The following HIVEP1 variants were observed in gnomAD, a reference collection of about 807,000 sequenced individuals.
The protein encoded by HIVEP1 is zinc finger protein 40.
In HIVEP1, 36 loss-of-function variants were observed where a neutral mutation model predicts 180.0. The observed-to-expected ratio is 0.20, with a 90% CI of 0.15 to 0.26. The LOEUF (loss-of-function observed/expected upper bound fraction) is 0.26. HIVEP1 is among the 10% of genes least tolerant of loss of function. HIVEP1 has a pLI of 1.00. For synonymous variants in HIVEP1, 1,239 were observed against 1,239.0 expected, an observed-to-expected ratio of 1.00 and a Z score of 0.00; for missense variants, 3,143 against 3,268.7, an observed-to-expected ratio of 0.96 and a Z score of 0.94.
intron 2 of HIVEP1, among the ~76,000 whole-genome samples, chr6:12,078,719 C>CACACACACACACACACACACACAT (rs758199591): frequency 6.1e-5 from 9 of 146,348 alleles, no homozygotes; most frequent in South Asian, 2.2e-4. Context: ...CACACACACA[C>CACACACACACACACACACACACAT]ATATATATAT....
At chr6:12,073,329 G>C (rs1343753757) in intron 2 of HIVEP1, among the ~76,000 whole-genome samples, 1 of 152,144 alleles carries the variant, frequency 6.6e-6, no homozygotes, top group African/African-American at 2.4e-5. Flanking sequence ...GCTTTACTTT[G>C]GGTTCCTTGT....
At chr6:12,115,347 ATTCT>A (rs1775146605) in intron 3 of HIVEP1, among the ~76,000 whole-genome samples, 1 of 73,454 alleles carries the variant, frequency 1.4e-5, no homozygotes. Context: ...TTCCCCAACT[ATTCT>A]TTTTTTTTTT....
At chr6:12,162,993 CTG>C (rs1760502197) in intron 8 of HIVEP1, among the ~76,000 whole-genome samples, 1 of 152,146 alleles carries the variant, frequency 6.6e-6, no homozygotes, top group African/African-American at 2.4e-5. Flanking sequence ...GAGTTATTCT[CTG>C]TGTACAATAT....
chr6:12,121,993 G>A lies in HIVEP1; in HGVS notation c.2198G>A (p.Gly733Asp), dbSNP rs1757709582. ...PTGEKALLLP[G>D]QMRPPLATKT... Reference sequence around the variant, plus strand: ...GGGGAAAAGGCATTGCTTTTACCAGGTCAGATGCGCCCACCTTTGGCCACA... The same window carrying A: ...GGGGAAAAGGCATTGCTTTTACCAGATCAGATGCGCCCACCTTTGGCCACA... Residue 733 changes from glycine (G) to aspartate (D), a missense_variant, in exon 4 of 9, where the codon GGT becomes GAT. By Grantham distance (94) the Gly-to-Asp change is moderately conservative (BLOSUM62 -1). Around this residue, in one of 12 missense-constraint regions of HIVEP1, gnomAD observed 365 missense variants for 344.4 expected, o/e 1.06. Transcript: ENST00000379388. This position sits in a 1 kb window ranked among gnomAD's most constrained non-coding sequence, Gnocchi z 5.3. 6.2e-7 allele frequency: 1 copy of A among 1,614,138 alleles called. No individual in the cohort carries two copies. Among genetic ancestry groups the A allele is most frequent in the Non-Finnish European group, 8.5e-7 (1 of 1,180,034 alleles).
chr6:12,178,100 T>C, the HIVEP1 span, among the ~76,000 whole-genome samples: 1 of 152,186 alleles, frequency 6.6e-6, no homozygotes, highest in Non-Finnish European at 1.5e-5. Context: ...CCCAAAATCA[T>C]GAAGGCTCGT....
chr6:12,150,543 T>C (rs1468182164), intron 7 of HIVEP1, among the ~76,000 whole-genome samples: 1 of 152,240 alleles, frequency 6.6e-6, no homozygotes, highest in Non-Finnish European at 1.5e-5. Context: ...GCAAAGCTTT[T>C]TTTCCAAATG....
At chr6:12,209,176 T>G in the HIVEP1 span, among the ~76,000 whole-genome samples, 1 of 152,150 alleles carries the variant, frequency 6.6e-6, no homozygotes, top group East Asian at 1.9e-4. Context: ...CCCCCAGCAC[T>G]CTTTATCCTC....
At chr6:12,074,619 A>ACT (rs1554139006) in intron 2 of HIVEP1, among the ~76,000 whole-genome samples, 1 of 138,768 alleles carries the variant, frequency 7.2e-6, no homozygotes, top group Admixed American at 7.2e-5. Context: ...TGTATGAAAA[A>ACT]GTGTGTGTGT....
chr6:12,092,347 T>C (rs1017862246), intron 3 of HIVEP1, among the ~76,000 whole-genome samples: 7 of 152,232 alleles, frequency 4.6e-5, no homozygotes, highest in African/African-American at 1.2e-4. Flanking sequence ...CTGCAGCTTT[T>C]TTCACTTAAC....
At position 12,120,984 on chromosome 6, in the gene HIVEP1, G is replaced by A. The variant is rs777159330; in HGVS notation, c.1189G>A (p.Asp397Asn). The A allele has an allele frequency of 2.5e-6, 4 of 1,613,908 alleles. No homozygotes were observed. Among genetic ancestry groups the A allele is most frequent in the Non-Finnish European group, 3.4e-6 (4 of 1,179,918 alleles). Residue 397 changes from aspartate (D) to asparagine (N), a missense_variant, in exon 4 of 9, where the codon GAT becomes AAT. Around this residue, in one of 12 missense-constraint regions of HIVEP1, gnomAD observed 306 missense variants for 310.6 expected, o/e 0.99. Transcript: ENST00000379388. ...VEQMCNLLLK[D>N]QKPKKQGKYI... Reference sequence around the variant, plus strand: ...GCAAATGTGCAATCTTCTTCTGAAAGATCAGAAGCCAAAAAAACAAGGAAA... The same window carrying A: ...GCAAATGTGCAATCTTCTTCTGAAAAATCAGAAGCCAAAAAAACAAGGAAA...
the HIVEP1 span, among the ~76,000 whole-genome samples, chr6:12,193,169 A>C: frequency 6.6e-6 from 1 of 152,180 alleles, no homozygotes; most frequent in Non-Finnish European, 1.5e-5. Context: ...TTATATTTTT[A>C]TTATTCCTGA....
upstream of HIVEP1, among the ~76,000 whole-genome samples, chr6:12,011,270 T>TCCCCCCCCCCCCCC (rs76242358): frequency 1.9e-3 from 137 of 71,638 alleles, 1 homozygote; most frequent in African/African-American, 2.1e-3. Context: ...CCCCTTGGGG[T>TCCCCCCCCCCCCCC]CCCCCCCCCC....
At chr6:12,175,160 T>A in the HIVEP1 span, among the ~76,000 whole-genome samples, 1 of 152,240 alleles carries the variant, frequency 6.6e-6, no homozygotes, top group South Asian at 2.1e-4. Flanking sequence ...TTATTAGTAT[T>A]GAATTAATAA....
chr6:12,035,726 A>G (rs1441130512), intron 2 of HIVEP1, among the ~76,000 whole-genome samples: 1 of 152,234 alleles, frequency 6.6e-6, no homozygotes, highest in African/African-American at 2.4e-5. Context: ...ACTGAAATTC[A>G]TCCCACAAAT....
At chr6:12,059,771 C>T (rs1771111466) in intron 2 of HIVEP1, among the ~76,000 whole-genome samples, 1 of 152,130 alleles carries the variant, frequency 6.6e-6, no homozygotes, top group Non-Finnish European at 1.5e-5. Context: ...GCTTGAGGTA[C>T]AGCTCCCACT....
At chr6:12,059,016 A>G (rs775910178) in intron 2 of HIVEP1, among the ~76,000 whole-genome samples, 1 of 151,832 alleles carries the variant, frequency 6.6e-6, no homozygotes, top group Non-Finnish European at 1.5e-5. Context: ...CAGTGACACA[A>G]TCTTGGCTCA....
In HIVEP1 at chr6:12,125,624, A is replaced by G. The variant is rs1048667364; in HGVS notation, c.5829A>G (p.Thr1943=). The G allele has an allele frequency of 8.1e-6, 13 of 1,614,134 alleles. No homozygotes were observed. Among genetic ancestry groups the G allele is most frequent in the Middle Eastern group, 1.6e-4 (1 of 6,062 alleles). ...GCCTGAAAACTACAACCAACTTTAC[A>G]TGGTGTTATCTCTTAAGGCAGAAGT... is the stretch of plus-strand genomic sequence containing the variant. ...FPSLKTTTNF[T]WCYLLRQKSL... Residue 1943 remains threonine (T), a synonymous_variant, in exon 4 of 9, where the codon ACA becomes ACG. Transcript: ENST00000379388.
intron 2 of HIVEP1, among the ~76,000 whole-genome samples, chr6:12,016,181 A>G (rs1434734989): frequency 6.6e-6 from 1 of 152,252 alleles, no homozygotes; most frequent in Non-Finnish European, 1.5e-5. Context: ...TCCACGAAGA[A>G]GCAGTGGGTC....
Position 12,012,325 on chromosome 6 carries a change from C to G in HIVEP1, c.-345C>G, listed in dbSNP as rs1260425259. On this transcript the variant is annotated 5_prime_UTR_variant, in exon 1 of 9. Coordinates refer to ENST00000379388, the MANE Select transcript of HIVEP1 (RefSeq NM_002114.4). ...GGTGGTGTGAGCGCCAGTCGCCGGC[C>G]TTCAGCGTGGCGGCTGCTGGGCGGC... The G allele has an allele frequency of 6.7e-6, 1 of 150,060 alleles. No homozygotes were observed. Among genetic ancestry groups the G allele is most frequent in the African/African-American group, 2.4e-5 (1 of 41,182 alleles). 9.3% of individuals were successfully genotyped at this position (150,060 alleles called of 1,614,324 possible). A position where few individuals can be genotyped will look rare whatever the true frequency, so the allele number is the denominator to read the frequency against.
Sources: gnomAD v4.1 joint callset for allele counts (sites outside exome capture counted in the v4.1 genomes callset) on GRCh38, gnomAD v4.1.1 for gene constraint, gnomAD v4.1.1 regional missense constraint, Gnocchi (gnomAD v3.1) non-coding constraint, MANE v1.5 for transcripts, NCBI Gene and HGNC (gene_info 2026-07-23, HGNC 2026-07-21) for gene names.